The following ADGRV1 variants were observed in gnomAD, a reference collection of about 807,000 sequenced individuals.
ADGRV1 encodes G-protein coupled receptor 98.
Under a neutral mutation model 596.2 loss-of-function variants are expected in ADGRV1, and 359 were observed. The observed-to-expected ratio is 0.60, with a 90% confidence interval of 0.55 to 0.66. ADGRV1 has a LOEUF of 0.66. Among genes scored for constraint, ADGRV1 ranks in the 30% least tolerant of loss-of-function variants. The probability of loss-of-function intolerance (pLI) is 0.00; values close to 1 mark genes in which losing one functional copy is unlikely to be tolerated. For synonymous variants in ADGRV1, 2,681 were observed against 2,679.2 expected, an observed-to-expected ratio of 1.00 and a Z score of -0.02; for missense variants, 7,274 against 7,575.6, an observed-to-expected ratio of 0.96 and a Z score of 1.48.
rs746094590 is a variant in ADGRV1, at chr5:91,150,263, G to GTC, written c.18624+58_18624+59dup. 3.8e-3 allele frequency: 4,945 copies of GTC among 1,311,446 alleles called. 62 individuals are homozygous for GTC. In the East Asian group the frequency reaches 0.092, roughly 24 times the overall value. The allele number at this position is 1,311,446 out of a possible 1,614,324, so 81.2% of individuals were successfully genotyped here. A position where few individuals can be genotyped will look rare whatever the true frequency, so the allele number is the denominator to read the frequency against. ...TTTCATTCTCTGTCTCTCTGTCTCT[G>GTC]TCTCTCTCTCTCTCTCTGTCTGTCT... On this transcript the variant is annotated intron_variant, in intron 88 of 89. Transcript: ENST00000405460.
At chr5:91,074,048 A>G (rs998971461) in intron 86 of ADGRV1, among the ~76,000 whole-genome samples, 1 of 152,240 alleles carries the variant, frequency 6.6e-6, no homozygotes, top group Non-Finnish European at 1.5e-5. Context: ...TTTAATAAAA[A>G]ATATTCAATG....
rs756578169 is a variant in ADGRV1 at position 90,811,072 on chromosome 5, C to T, written c.15812C>T (p.Pro5271Leu). The T allele has an allele frequency of 3.7e-6, 6 of 1,613,960 alleles. No individual in the cohort carries two copies. The South Asian group carries it at 5.5e-5, about 15-fold the overall frequency. ...GGTGAAAGATGTGCTCAGATGGAAC[C>T]AAATGCATTGCCCTTTCGTGGTATC... ...TFGERCAQME[P>L]NALPFRGIYG... The change falls in exon 74 of 90, where the codon CCA (proline) becomes CTA (leucine). Residue 5271 changes from proline (P) to leucine (L), a missense_variant. Around this residue, in one of 5 missense-constraint regions of ADGRV1, gnomAD observed 1,874 missense variants for 1,970.2 expected, o/e 0.95. Coordinates refer to ENST00000405460, the MANE Select transcript of ADGRV1 (RefSeq NM_032119.4).
chr5:90,973,683 G>A (rs1176277016), intron 84 of ADGRV1, among the ~76,000 whole-genome samples: 1 of 152,146 alleles, frequency 6.6e-6, no homozygotes, highest in Non-Finnish European at 1.5e-5. Context: ...AATAAGTTAG[G>A]TATTGATGGG....
At chr5:90,784,120 T>C in intron 67 of ADGRV1, 63 bp downstream of exon 67, 2 of 1,028,544 alleles carry the variant, frequency 1.9e-6, no homozygotes, top group Non-Finnish European at 2.8e-6. Flanking sequence ...GGTAGTGTGT[T>C]TTCTCATTGC....
At chr5:91,157,087 A>G (rs1796538239) in intron 89 of ADGRV1, among the ~76,000 whole-genome samples, 1 of 152,178 alleles carries the variant, frequency 6.6e-6, no homozygotes, top group Non-Finnish European at 1.5e-5. Flanking sequence ...TACTAGGCCC[A>G]TGTCACTGGT....
chr5:90,891,105 A>T (rs1288276665), intron 83 of ADGRV1, among the ~76,000 whole-genome samples: 1 of 150,496 alleles, frequency 6.6e-6, no homozygotes, highest in South Asian at 2.1e-4. Flanking sequence ...TAAACAAAAA[A>T]GTTTGAAAAA....
intron 83 of ADGRV1, among the ~76,000 whole-genome samples, chr5:90,944,489 G>T (rs1028176877): frequency 1.3e-5 from 2 of 152,050 alleles, no homozygotes; most frequent in Non-Finnish European, 2.9e-5. Context: ...GATAACCAAG[G>T]TTGTATATTC....
intron 87 of ADGRV1, among the ~76,000 whole-genome samples, chr5:91,104,864 T>TC (rs1301885071): frequency 1.4e-5 from 2 of 146,806 alleles, no homozygotes; most frequent in African/African-American, 2.5e-5. Context: ...TCTTTTCTTT[T>TC]TTTTTTTTTT....
rs942677707 is a variant in ADGRV1, at chr5:90,823,492, G to A, written c.16264G>A (p.Asp5422Asn). The A allele has an allele frequency of 1.2e-6, 2 of 1,613,792 alleles. No homozygotes were observed. The highest frequency in any genetic ancestry group is 1.7e-6 in the Non-Finnish European group (2 of 1,179,870). The change falls in exon 76 of 90, where the codon GAT becomes AAT. Residue 5422 changes from aspartate to asparagine, a missense_variant. Asp to Asn is a conservative substitution (Grantham distance 23). Around this residue, in one of 5 missense-constraint regions of ADGRV1, gnomAD observed 1,874 missense variants for 1,970.2 expected, o/e 0.95. Transcript: ENST00000405460. ...CAAAACAGTCGTCGTGCTCCAGAAG[G>A]ATGGGGTAAACCTGGTGGAGGAACT... is the stretch of plus-strand genomic sequence containing the variant. The part of the protein sequence containing the change: ...LNKTVVVLQK[D>N]GVNLVEELQS...
intron 85 of ADGRV1, among the ~76,000 whole-genome samples, chr5:91,022,973 G>A (rs1214295353): frequency 6.6e-6 from 1 of 152,100 alleles, no homozygotes; most frequent in Non-Finnish European, 1.5e-5. Context: ...GGGCCTTGGG[G>A]TAGGACATTT....
chr5:90,593,298 G>T (rs1002682402), intron 1 of ADGRV1, among the ~76,000 whole-genome samples: 1 of 152,224 alleles, frequency 6.6e-6, no homozygotes, highest in Admixed American at 6.5e-5. Context: ...CATGTGCTTT[G>T]CAGGGACATG....
intron 83 of ADGRV1, among the ~76,000 whole-genome samples, chr5:90,928,627 C>A (rs1473608605): frequency 2.7e-5 from 4 of 150,568 alleles, no homozygotes; most frequent in Non-Finnish European, 4.4e-5. Context: ...CTTCTTCTCT[C>A]AGCTCGTGAA....
rs1330866758 is a variant in ADGRV1 at position 90,675,563 on chromosome 5, C to A, written c.5313+118C>A. ...GTGACTCACGCCTGTAATCCTAGCA[C>A]TTTGGGAGGCAAAGGCGAGAGGATT... On this transcript the variant is annotated intron_variant, in intron 24 of 89. Transcript: ENST00000405460. 8.0e-6 allele frequency: 8 copies of A among 994,648 alleles called. No individual in the cohort carries two copies. The East Asian group carries it at 1.3e-4, about 16-fold the overall frequency. The allele number at this position is 994,648 out of a possible 1,614,324, so 61.6% of individuals were successfully genotyped here. A position where few individuals can be genotyped will look rare whatever the true frequency, so the allele number is the denominator to read the frequency against.
At chr5:90,650,296 T>C (rs1768401816) in intron 17 of ADGRV1, among the ~76,000 whole-genome samples, 1 of 152,250 alleles carries the variant, frequency 6.6e-6, no homozygotes, top group Non-Finnish European at 1.5e-5. Context: ...GAATGAATTT[T>C]CAGCACCACT....
chr5:90,902,396 A>G (rs1771930121), intron 83 of ADGRV1, among the ~76,000 whole-genome samples: 2 of 152,120 alleles, frequency 1.3e-5, no homozygotes, highest in African/African-American at 2.4e-5. Context: ...CTATTTCCAC[A>G]TAGTTTGTTC....
At chr5:90,679,977 TA>T (rs1327254862) in intron 26 of ADGRV1, among the ~76,000 whole-genome samples, 1 of 152,134 alleles carries the variant, frequency 6.6e-6, no homozygotes, top group Non-Finnish European at 1.5e-5. Flanking sequence ...TTTGAATACA[TA>T]AAAAGAGGTC....
In ADGRV1 at chr5:91,065,851, T is replaced by G. The variant is rs545549075; in HGVS notation, c.18153-6596T>G. ...TGAAACAGCATCTACTTGTTTCATC[T>G]GGCGAAATATAGGGAAAAGGATGAA... On this transcript the variant is annotated intron_variant, in intron 85 of 89. Coordinates refer to ENST00000405460, the MANE Select transcript of ADGRV1 (RefSeq NM_032119.4). 8.5e-5 allele frequency among the ~76,000 whole-genome samples: 13 copies of G among 152,318 alleles called. No individual in the cohort carries two copies. In the East Asian group the frequency reaches 2.1e-3, roughly 25 times the overall value.
At chr5:90,824,050 T>C (rs1763854416) in intron 76 of ADGRV1, among the ~76,000 whole-genome samples, 1 of 152,214 alleles carries the variant, frequency 6.6e-6, no homozygotes, top group Non-Finnish European at 1.5e-5. Flanking sequence ...TAATAAAATA[T>C]TAAGTATATG....
intron 1 of ADGRV1, among the ~76,000 whole-genome samples, chr5:90,591,119 T>A (rs1759444707): frequency 6.6e-6 from 1 of 152,162 alleles, no homozygotes; most frequent in Admixed American, 6.5e-5. Context: ...AGGCTGAGCA[T>A]GATGGCTCAT....
Sources: allele counts gnomAD v4.1 joint callset (sites outside exome capture counted in the v4.1 genomes callset), GRCh38; gene constraint gnomAD v4.1.1; regional missense constraint gnomAD v4.1.1; transcripts MANE v1.5; gene names NCBI Gene and HGNC (gene_info 2026-07-23, HGNC 2026-07-21).